Variants in OSBPL6 observed in about 807,000 individuals in gnomAD.
OSBPL6 encodes the protein oxysterol binding protein like 6, also known as oxysterol-binding protein-related protein 6.
In OSBPL6, 49 loss-of-function variants were observed where a neutral mutation model predicts 125.8. The ratio of observed to expected loss-of-function variants is 0.39; its 90% CI spans 0.31 to 0.49. The LOEUF (loss-of-function observed/expected upper bound fraction) is 0.49, where lower values mean the gene tolerates loss of function less well. OSBPL6 is among the 20% of genes least tolerant of loss of function. OSBPL6 has a pLI of 0.88. For missense variants in OSBPL6, 986 were observed against 1,135.4 expected (o/e 0.87, Z 1.89); for synonymous variants, 394 against 391.8 (o/e 1.01, Z -0.07).
At chr2:178,290,910 A>G (rs896537531) in intron 2 of OSBPL6, among the ~76,000 whole-genome samples, 3 of 152,050 alleles carry the variant, frequency 2.0e-5, no homozygotes, top group African/African-American at 7.2e-5. Flanking sequence ...TGGAGTCTTA[A>G]TTTTTTAATT....
chr2:178,323,145 C>T (rs927462245), intron 3 of OSBPL6, among the ~76,000 whole-genome samples: 26 of 152,042 alleles, frequency 1.7e-4, no homozygotes, highest in Non-Finnish European at 5.9e-5. Context: ...TGCAAAATTC[C>T]GCTTTAGAAA....
chr2:178,381,384 C>T (rs529008226), intron 15 of OSBPL6, among the ~76,000 whole-genome samples: 4 of 152,218 alleles, frequency 2.6e-5, no homozygotes, highest in South Asian at 4.1e-4. Context: ...GACAGAGTCT[C>T]GCTCTGTCGC....
chr2:178,225,003 T>TTTC (rs2090492482), intron 1 of OSBPL6, among the ~76,000 whole-genome samples: 67 of 148,534 alleles, frequency 4.5e-4, no homozygotes, highest in Middle Eastern at 3.5e-3. Flanking sequence ...CTCTCTCTCT[T>TTTC]TCTCTCTCTC....
chr2:178,252,548 T>G (rs755433189), intron 1 of OSBPL6, among the ~76,000 whole-genome samples: 9 of 152,042 alleles, frequency 5.9e-5, no homozygotes, highest in Non-Finnish European at 1.0e-4. Context: ...AATAGGAGAC[T>G]TTCTCATATG....
At chr2:178,194,452 G>A (rs1302894234), upstream of OSBPL6, 2 of 151,966 alleles carry the variant, frequency 1.3e-5, no homozygotes, top group African/African-American at 2.4e-5. Context: ...CCGCCCGTGG[G>A]AGAGGAGGGG....
At chr2:178,369,148 G>A (rs560689107) in intron 13 of OSBPL6, among the ~76,000 whole-genome samples, 44 of 152,146 alleles carry the variant, frequency 2.9e-4, no homozygotes, top group Admixed American at 2.3e-3. Flanking sequence ...TTGCTCCCAT[G>A]CTACTCTTTT....
At chr2:178,350,437 C>A (rs1691147038) in intron 12 of OSBPL6, among the ~76,000 whole-genome samples, 2 of 152,120 alleles carry the variant, frequency 1.3e-5, no homozygotes, top group African/African-American at 4.8e-5. Flanking sequence ...CAGGTGCCTC[C>A]CTGAGACTCA....
intron 3 of OSBPL6, among the ~76,000 whole-genome samples, 164 bp from the exon 4 acceptor site, chr2:178,324,013 G>A (rs7602359): frequency 0.033 from 5,080 of 152,242 alleles, 270 homozygotes; most frequent in African/African-American, 0.11. Context: ...ATCCTGTGCC[G>A]ACATATTTTT....
intron 6 of OSBPL6, 55 bp from the exon 7 acceptor site, chr2:178,332,586 C>A: frequency 7.6e-7 from 1 of 1,316,896 alleles, no homozygotes; most frequent in Non-Finnish European, 1.1e-6. Context: ...AAATACAGTA[C>A]AGAAACATCA....
In OSBPL6 at chr2:178,315,269, C is replaced by T. The variant is rs140695076; in HGVS notation, c.103-8908C>T. On this transcript the variant is annotated intron_variant, in intron 3 of 24. Transcript: ENST00000190611. ...TGGCATCGCCACCTTTTGGAGATCT[C>T]TGTCACTGTTGCATGGTGTTTACGG... is the stretch of plus-strand genomic sequence containing the variant. Among the ~76,000 whole-genome samples, 33 of 152,300 alleles carry T rather than the reference C, an allele frequency of 2.2e-4. No individual in the cohort carries two copies. The East Asian group carries it at 6.2e-3, about 28-fold the overall frequency.
intron 17 of OSBPL6, 42 bp from the exon 18 acceptor site, chr2:178,383,997 C>T (rs376177715): frequency 9.4e-6 from 15 of 1,593,408 alleles, no homozygotes; most frequent in African/African-American, 2.7e-5. Context: ...ACCCAGCAGT[C>T]GTCTCTCCTA....
intron 11 of OSBPL6, chr2:178,344,163 A>G: frequency 1.3e-6 from 1 of 788,538 alleles, no homozygotes; most frequent in Non-Finnish European, 2.1e-6. Flanking sequence ...ATGCTGATTT[A>G]AGAAAAGTCG....
chr2:178,379,825 C>T (rs1694297380), intron 15 of OSBPL6, among the ~76,000 whole-genome samples: 1 of 152,162 alleles, frequency 6.6e-6, no homozygotes, highest in Non-Finnish European at 1.5e-5. Flanking sequence ...ATTTTGTTCT[C>T]AATTTGTCAT....
intron 1 of OSBPL6, among the ~76,000 whole-genome samples, chr2:178,205,184 G>A (rs2089465449): frequency 6.6e-6 from 1 of 152,202 alleles, no homozygotes. Context: ...GTTGGGATTT[G>A]TGTTTGAGAC....
rs376404654 is a variant in OSBPL6 at position 178,306,167 on chromosome 2, G to C, written c.-18G>C. ...TGGGATGGTCTTAAGTGCATAAAAC[G>C]AGACTCTAACTGCAGCGATGAGTTC... On this transcript the variant is annotated 5_prime_UTR_variant, in exon 3 of 25. Coordinates refer to ENST00000190611, the MANE Select transcript of OSBPL6 (RefSeq NM_032523.4). The C allele has an allele frequency of 1.5e-5, 23 of 1,542,848 alleles. No homozygotes were observed. Among genetic ancestry groups the C allele is most frequent in the Non-Finnish European group, 2.1e-5 (23 of 1,115,464 alleles).
intron 4 of OSBPL6, among the ~76,000 whole-genome samples, chr2:178,327,675 A>G (rs1443899203): frequency 2.0e-5 from 3 of 152,120 alleles, no homozygotes; most frequent in Non-Finnish European, 4.4e-5. Flanking sequence ...TCCCAGGGGC[A>G]TGTGTATCTT....
chr2:178,300,402 G>C (rs1462303913), intron 2 of OSBPL6, among the ~76,000 whole-genome samples: 1 of 152,246 alleles, frequency 6.6e-6, no homozygotes, highest in Non-Finnish European at 1.5e-5. Flanking sequence ...ATTGCTGTCA[G>C]ATGTATCTGC....
At chr2:178,392,858 CAAAAA>C (rs57057224) in intron 23 of OSBPL6, among the ~76,000 whole-genome samples, 1 of 63,142 alleles carries the variant, frequency 1.6e-5, no homozygotes, top group African/African-American at 5.7e-5. Flanking sequence ...GAGACCCTGG[CAAAAA>C]AAAAAAAAAA....
intron 21 of OSBPL6, 144 bp from the exon 22 acceptor site, chr2:178,390,929 A>G (rs1575053246): frequency 7.0e-6 from 7 of 1,003,572 alleles, no homozygotes; most frequent in Non-Finnish European, 1.0e-5. Context: ...CCAGCCCTCC[A>G]TATAAAACGT....
Sources: allele counts gnomAD v4.1 joint callset (sites outside exome capture counted in the v4.1 genomes callset), GRCh38; gene constraint gnomAD v4.1.1; transcripts MANE v1.5; gene names NCBI Gene and HGNC (gene_info 2026-07-23, HGNC 2026-07-21).